Variants in SYNM observed in about 807,000 individuals in gnomAD.
SYNM encodes the protein desmuslin.
Under a neutral mutation model 104.0 loss-of-function variants are expected in SYNM, and 95 were observed. The ratio of observed to expected loss-of-function variants is 0.91; its 90% CI spans 0.77 to 1.08. The LOEUF (loss-of-function observed/expected upper bound fraction) is 1.08. Ranked by LOEUF, SYNM falls within the 50% of genes least tolerant of loss-of-function variation. The pLI is 0.00. For synonymous variants in SYNM, 918 were observed against 869.0 expected, an observed-to-expected ratio of 1.06 and a Z score of -0.99; for missense variants, 2,150 against 2,052.2, an observed-to-expected ratio of 1.05 and a Z score of -0.92.
Position 99,105,136 on chromosome 15 carries a change from G to A in SYNM, c.-64G>A. ...CGGAGCGTCGCGGCGGAGAGGACGA[G>A]ACCGGGACAAGACCAGGGCAGGAGG... On this transcript the variant is annotated 5_prime_UTR_variant, in exon 1 of 4. Transcript: ENST00000336292. 1 of 1,520,020 alleles carries A rather than the reference G, an allele frequency of 6.6e-7. No homozygotes were observed. Among genetic ancestry groups the A allele is most frequent in the South Asian group, 1.2e-5 (1 of 82,778 alleles). The allele number at this position is 1,520,020 out of a possible 1,614,324, so 94.2% of individuals were successfully genotyped here.
intron 2 of SYNM, among the ~76,000 whole-genome samples, chr15:99,121,403 C>T (rs925236): frequency 0.19 from 28,671 of 151,924 alleles, 2,882 homozygotes; most frequent in South Asian, 0.28. Flanking sequence ...AGCGCCCAGG[C>T]GTGCAGACCT....
intron 2 of SYNM, among the ~76,000 whole-genome samples, chr15:99,114,319 C>T (rs1030928758): frequency 6.6e-6 from 1 of 152,064 alleles, no homozygotes; most frequent in Non-Finnish European, 1.5e-5. Flanking sequence ...CATCAGATCT[C>T]ATGAGAACTC....
chr15:99,129,583 C>T lies in SYNM; in HGVS notation c.1223C>T (p.Thr408Ile), dbSNP rs782004737. The part of the protein sequence containing the change: ...FLGSGYSSSA[T>I]TQQENSYGKA... ...GGCTCGGGATATTCTTCCTCGGCCA[C>T]TACCCAGCAGGAAAACTCATACGGA... Residue 408 changes from threonine to isoleucine, a missense_variant, in exon 4 of 4, where the codon ACT becomes ATT. Physicochemically the swap from Thr to Ile is moderately conservative, Grantham distance 89. Transcript: ENST00000336292. 6.2e-7 allele frequency: 1 copy of T among 1,613,972 alleles called. No individual in the cohort carries two copies. The highest frequency in any genetic ancestry group is 1.1e-5 in the South Asian group (1 of 91,068).
downstream of SYNM, chr15:99,136,548 G>C (rs1232790510): frequency 1.3e-5 from 2 of 152,204 alleles, no homozygotes; most frequent in African/African-American, 4.8e-5. Flanking sequence ...GGTGGAGAGA[G>C]AGATCATCTC....
At position 99,132,626 on chromosome 15, in the gene SYNM, C is replaced by T. The variant is rs782310775; in HGVS notation, c.4266C>T (p.Pro1422=). 5.1e-5 allele frequency: 83 copies of T among 1,613,902 alleles called. No individual in the cohort carries two copies. The highest frequency in any genetic ancestry group is 1.5e-4 in the South Asian group (14 of 91,078). Residue 1422 remains proline, a synonymous_variant, in exon 4 of 4, where the codon CCC becomes CCT. Coordinates refer to ENST00000336292, the MANE Select transcript of SYNM (RefSeq NM_145728.3). ...ETSEHIAIRG[P]VSRTFVLAGS... Reference sequence around the variant, plus strand: ...CTGAACACATTGCCATCCGTGGACCCGTGTCCAGAACATTTGTGCTTGCTG... The same window carrying T: ...CTGAACACATTGCCATCCGTGGACCTGTGTCCAGAACATTTGTGCTTGCTG...
At chr15:99,106,145 C>T (rs1555482792) in intron 1 of SYNM, 136 bp downstream of exon 1, 5 of 972,226 alleles carry the variant, frequency 5.1e-6, no homozygotes, top group Non-Finnish European at 5.6e-6. Context: ...CCAGAGGGTG[C>T]CCGAATGGCA....
intron 3 of SYNM, among the ~76,000 whole-genome samples, chr15:99,127,297 G>T (rs77202480): frequency 0.01 from 1,531 of 152,246 alleles, 27 homozygotes; most frequent in African/African-American, 0.036. Flanking sequence ...ATGTGTCCTG[G>T]TGCCTTGAAG....
rs782776007 is a variant in SYNM, at chr15:99,132,006, G to A, written c.3646G>A (p.Gly1216Arg). The A allele has an allele frequency of 5.0e-6, 8 of 1,613,850 alleles. No individual in the cohort carries two copies. The highest frequency in any genetic ancestry group is 1.3e-5 in the African/African-American group (1 of 74,942). ...AGCAGAGTCTTCTGCAGATATGGAC[G>A]GATCAGGGAGGCACAGCACATTTGG... ...GPAESSADMD[G>R]SGRHSTFGCR... Residue 1216 changes from glycine to arginine, a missense_variant, in exon 4 of 4, where the codon GGA becomes AGA. By Grantham distance (125) the Gly-to-Arg change is moderately radical. Transcript: ENST00000336292.
intron 2 of SYNM, among the ~76,000 whole-genome samples, chr15:99,123,400 C>T (rs573336632): frequency 3.9e-5 from 6 of 152,014 alleles, no homozygotes; most frequent in Admixed American, 6.5e-5. Flanking sequence ...TGGCCCAGCA[C>T]TGCCACGTTA....
intron 1 of SYNM, among the ~76,000 whole-genome samples, chr15:99,110,646 C>T (rs2067292892): frequency 6.6e-6 from 1 of 152,216 alleles, no homozygotes; most frequent in Non-Finnish European, 1.5e-5. Flanking sequence ...CAGGCTTGCT[C>T]AGTGAGCGGT....
rs782488874 is a variant in SYNM at position 99,105,916 on chromosome 15, C to G, written c.717C>G (p.Arg239=). 1.5e-5 allele frequency: 23 copies of G among 1,531,958 alleles called. No individual in the cohort carries two copies. The Admixed American group carries it at 1.8e-4, about 12-fold the overall frequency. The allele number at this position is 1,531,958 out of a possible 1,614,324, so 94.9% of individuals were successfully genotyped here. A position where few individuals can be genotyped will look rare whatever the true frequency, so the allele number is the denominator to read the frequency against. Residue 239 remains arginine (R), a synonymous_variant, in exon 1 of 4, where the codon CGC becomes CGG. Transcript: ENST00000336292. The stretch of plus-strand genomic sequence containing the variant: ...CGCAGGAGGCAGAGGCGCTGCGGCG[C>G]GAGGCGCTCGGGTTGGAGCAGCTGC... ...LCAQEAEALR[R]EALGLEQLRA...
rs368280513 is a variant in SYNM at position 99,130,111 on chromosome 15, C to T, written c.1751C>T (p.Ser584Phe). ...GAGGTGCCGATTAGTCTAGAAGTAT[C>T]CCAGGACAGAAGAGCAGAGGTGTCC... ...EREVPISLEV[S>F]QDRRAEVSPK... The change falls in exon 4 of 4, where the codon TCC becomes TTC. Residue 584 changes from serine (S) to phenylalanine (F), a missense_variant. Transcript: ENST00000336292. The T allele has an allele frequency of 1.2e-5, 19 of 1,613,688 alleles. No homozygotes were observed. Among genetic ancestry groups the T allele is most frequent in the Non-Finnish European group, 1.5e-5 (18 of 1,179,876 alleles).
intron 2 of SYNM, among the ~76,000 whole-genome samples, chr15:99,113,968 A>G (rs76811621): frequency 0.041 from 6,220 of 152,238 alleles, 173 homozygotes; most frequent in Non-Finnish European, 0.063. Flanking sequence ...TAGTGTTTGT[A>G]TGTTCTGGGG....
At chr15:99,139,166 G>A (rs1555488691), downstream of SYNM, 3 of 937,268 alleles carry the variant, frequency 3.2e-6, no homozygotes, top group Admixed American at 2.0e-5. Context: ...TACAACTCGG[G>A]TTTCAAAGGA....
At chr15:99,109,064 C>G (rs1170191392) in intron 1 of SYNM, among the ~76,000 whole-genome samples, 1 of 152,174 alleles carries the variant, frequency 6.6e-6, no homozygotes, top group Non-Finnish European at 1.5e-5. Flanking sequence ...CACATTGTGC[C>G]CAGCTCTCCC....
At chr15:99,109,498 G>A (rs2067281220) in intron 1 of SYNM, among the ~76,000 whole-genome samples, 1 of 152,100 alleles carries the variant, frequency 6.6e-6, no homozygotes, top group Admixed American at 6.5e-5. Context: ...GGTGGGATTA[G>A]GATGGGATTA....
chr15:99,125,742 C>T (rs1479894643), intron 2 of SYNM, among the ~76,000 whole-genome samples: 1 of 152,188 alleles, frequency 6.6e-6, no homozygotes, highest in Admixed American at 6.5e-5. Context: ...ATGCCTTTTG[C>T]CGTGTGCAGT....
Position 99,130,053 on chromosome 15 carries a change from G to C in SYNM, c.1693G>C (p.Asp565His). 2 of 1,613,904 alleles carry C rather than the reference G, an allele frequency of 1.2e-6. No homozygotes were observed. The highest frequency in any genetic ancestry group is 4.5e-5 in the East Asian group (2 of 44,878). Residue 565 changes from aspartate to histidine, a missense_variant, in exon 4 of 4, where the codon GAC becomes CAC. Physicochemically the swap from Asp to His is moderately conservative, Grantham distance 81 (BLOSUM62 -1). Coordinates refer to ENST00000336292, the MANE Select transcript of SYNM (RefSeq NM_145728.3). ...GATGAAGGAGAAGGCTAAGGAGAAG[G>C]ACTCACCGAAGGAGAAGAGCGTGCG... ...QQMKEKAKEK[D>H]SPKEKSVRER... is the part of the protein sequence containing the mutation.
rs1195835756 is a variant in SYNM at position 99,133,912 on chromosome 15, A to G, written c.*854A>G. 6.6e-6 allele frequency: 1 copy of G among 152,158 alleles called. No homozygotes were observed. The highest frequency in any genetic ancestry group is 1.5e-5 in the Non-Finnish European group (1 of 68,030). 9.4% of individuals were successfully genotyped at this position (152,158 alleles called of 1,614,324 possible). A position where few individuals can be genotyped will look rare whatever the true frequency, so the allele number is the denominator to read the frequency against. On this transcript the variant is annotated 3_prime_UTR_variant, in exon 4 of 4. Transcript: ENST00000336292. ...TCTGCACCTTATCCCTTAGCACCCA[A>G]ACATTTAATTTCACTGGTGGGAGGT...
Sources: gnomAD v4.1 joint callset for allele counts (sites outside exome capture counted in the v4.1 genomes callset) on GRCh38, gnomAD v4.1.1 for gene constraint, MANE v1.5 for transcripts, NCBI Gene and HGNC (gene_info 2026-07-23, HGNC 2026-07-21) for gene names.